HR: variants seen among roughly 807,000 people sequenced by gnomAD.
HR encodes the protein HR lysine demethylase and nuclear receptor corepressor, also known as lysine-specific demethylase hairless.
HR carries 83 observed loss-of-function variants against 128.6 expected under a neutral mutation model. The ratio of observed to expected loss-of-function variants is 0.65; its 90% CI spans 0.54 to 0.77. HR has a LOEUF of 0.77. Among genes scored for constraint, HR ranks in the 30% least tolerant of loss-of-function variants. The pLI, the probability that HR is intolerant of heterozygous loss-of-function variation, is 0.00. For missense variants in HR, 1,490 were observed against 1,574.6 expected (o/e 0.95, Z 0.91); for synonymous variants, 681 against 658.2 (o/e 1.03, Z -0.53).
Position 22,116,727 on chromosome 8 carries a change from C to G in HR, c.3378+148G>C, listed in dbSNP as rs1826596724. On this transcript the variant is annotated intron_variant, in intron 17 of 18. Coordinates refer to ENST00000381418, the MANE Select transcript of HR (RefSeq NM_005144.5). The surrounding 1 kb of genome is among the most constrained non-coding windows in gnomAD (Gnocchi z 4.2). ...TCAGTGACTTCAAGGCCTCTTGGCT[C>G]CCCCGTTATCTCTTCCCCACAGCAG... The G allele has an allele frequency of 8.3e-7, 1 of 1,199,590 alleles. No homozygotes were observed. Among genetic ancestry groups the G allele is most frequent in the South Asian group, 1.3e-5 (1 of 76,676 alleles). The allele number at this position is 1,199,590 out of a possible 1,614,324, so 74.3% of individuals were successfully genotyped here.
Position 22,125,456 on chromosome 8 carries a change from G to A in HR, c.1605C>T (p.Asn535=), listed in dbSNP as rs751114162. 4.2e-5 allele frequency: 67 copies of A among 1,613,408 alleles called. No homozygotes were observed. The highest frequency in any genetic ancestry group is 5.3e-5 in the African/African-American group (4 of 74,956). The change falls in exon 5 of 19, where the codon AAC becomes AAT. Residue 535 remains asparagine, a synonymous_variant. Coordinates refer to ENST00000381418, the MANE Select transcript of HR (RefSeq NM_005144.5). ...ELQQEEDTAT[N]SSSEEGPGSG... ...ACCCTGGGCCTTCCTCAGAGCTGGAGTTGGTGGCTGTGTCTTCCTCCTGCT... is the reference window on the plus strand; with the variant it reads ...ACCCTGGGCCTTCCTCAGAGCTGGAATTGGTGGCTGTGTCTTCCTCCTGCT...
At chr8:22,125,544 C>T (rs370434413) in intron 4 of HR, 38 bp downstream of exon 4, 155 of 1,612,508 alleles carry the variant, frequency 9.6e-5, no homozygotes, top group Middle Eastern at 1.6e-4. Flanking sequence ...GGAGCCCTGG[C>T]GAGGGGGCAC....
At chr8:22,120,587 C>T (rs909542980) in intron 11 of HR, 80 bp from the exon 12 acceptor site, 2 of 1,597,408 alleles carry the variant, frequency 1.3e-6, no homozygotes, top group African/African-American at 2.7e-5. Flanking sequence ...GTTGTAAGGG[C>T]AGTAGAACAG....
At chr8:22,121,373 G>T in intron 9 of HR, 145 bp from the exon 10 acceptor site, 2 of 1,140,532 alleles carry the variant, frequency 1.8e-6, no homozygotes, top group Non-Finnish European at 2.5e-6. Context: ...TCTGCTCTGG[G>T]TCTCCCCGCT....
intron 5 of HR, among the ~76,000 whole-genome samples, chr8:22,124,230 CTT>C (rs760046632): frequency 1.3e-5 from 2 of 152,204 alleles, no homozygotes; most frequent in Non-Finnish European, 2.9e-5. Flanking sequence ...CTCCAGGAGA[CTT>C]TGTTGTCGTT....
Position 22,119,899 on chromosome 8 carries a change from G to A in HR, c.2847-9C>T. 1.2e-6 allele frequency: 2 copies of A among 1,613,246 alleles called. No homozygotes were observed. The highest frequency in any genetic ancestry group is 1.7e-6 in the Non-Finnish European group (2 of 1,179,968). On this transcript the variant is annotated splice_polypyrimidine_tract_variant and intron_variant, in intron 13 of 18. Coordinates refer to ENST00000381418, the MANE Select transcript of HR (RefSeq NM_005144.5). ...CAGCTAGGTTCTCCACCCTGTCAGGGTAGGGGGTCATGCCCAGCAGGCCCA... is the reference window on the plus strand; with the variant it reads ...CAGCTAGGTTCTCCACCCTGTCAGGATAGGGGGTCATGCCCAGCAGGCCCA...
chr8:22,126,893 C>T, intron 3 of HR, 144 bp downstream of exon 3: 1 of 769,978 alleles, frequency 1.3e-6, no homozygotes, highest in Non-Finnish European at 2.0e-6. Flanking sequence ...CTGAGGAACT[C>T]CCAGAGAGCC....
chr8:22,118,813 G>C (rs892502194), intron 16 of HR, 137 bp downstream of exon 16: 4 of 712,380 alleles, frequency 5.6e-6, no homozygotes, highest in Non-Finnish European at 9.6e-6. Context: ...GCACCTGTCT[G>C]TGCGAGTTGG....
chr8:22,125,760 T>C, intron 3 of HR, 28 bp from the exon 4 acceptor site: 2 of 1,612,390 alleles, frequency 1.2e-6, no homozygotes, highest in Non-Finnish European at 1.7e-6. Flanking sequence ...AGGTCAGGAA[T>C]CTGGGTTTCT....
chr8:22,123,616 A>AGGCCCCC, intron 6 of HR, 33 bp downstream of exon 6: 1 of 562,348 alleles, frequency 1.8e-6, no homozygotes. Context: ...TGAGGGCTCC[A>AGGCCCCC]TCCCGCCCTC....
chr8:22,131,009 C>T lies in HR; in HGVS notation c.-622G>A, dbSNP rs1424964196. On this transcript the variant is annotated 5_prime_UTR_variant, in exon 1 of 19. Transcript: ENST00000381418. ...CTGATCGCCATCGCCAGAAGCGCAACTGAGAGTGGGGAAGCTGCTCCGCCG... is the reference window on the plus strand; with the variant it reads ...CTGATCGCCATCGCCAGAAGCGCAATTGAGAGTGGGGAAGCTGCTCCGCCG... 6.6e-6 allele frequency: 1 copy of T among 152,078 alleles called. No individual in the cohort carries two copies. Among genetic ancestry groups the T allele is most frequent in the Non-Finnish European group, 1.5e-5 (1 of 68,100 alleles). The allele number at this position is 152,078 out of a possible 1,614,324, so 9.4% of individuals were successfully genotyped here.
Position 22,116,499 on chromosome 8 carries a change from G to T in HR, c.3379-71C>A. Reference sequence around the variant, plus strand: ...TCTCCCTGTCCCCCTGGTCCCTGAGGTTCGCTTCCTCTAATGACAACCACC... The same window carrying T: ...TCTCCCTGTCCCCCTGGTCCCTGAGTTTCGCTTCCTCTAATGACAACCACC... On this transcript the variant is annotated intron_variant, in intron 17 of 18. Transcript: ENST00000381418. The surrounding 1 kb of genome is among the most constrained non-coding windows in gnomAD (Gnocchi z 4.2). 1 of 1,565,616 alleles carries T rather than the reference G, an allele frequency of 6.4e-7. No homozygotes were observed. The highest frequency in any genetic ancestry group is 8.7e-7 in the Non-Finnish European group (1 of 1,154,844).
chr8:22,125,348 C>T lies in HR; in HGVS notation c.1713G>A (p.Arg571=). The T allele has an allele frequency of 6.2e-7, 1 of 1,600,518 alleles. No homozygotes were observed. The highest frequency in any genetic ancestry group is 8.5e-7 in the Non-Finnish European group (1 of 1,174,506). Residue 571 remains arginine, a synonymous_variant, in exon 5 of 19, where the codon CGG becomes CGA. Coordinates refer to ENST00000381418, the MANE Select transcript of HR (RefSeq NM_005144.5). ...GLGDRLCRLL[R]REREALAWAQ... The stretch of plus-strand genomic sequence containing the variant: ...CCCAAGCCAGGGCCTCCCGCTCCCT[C>T]CGCAGCAGGCGGCACAGTCGGTCCC...
intron 3 of HR, among the ~76,000 whole-genome samples, chr8:22,126,198 G>A (rs1826885822): frequency 6.6e-6 from 1 of 152,236 alleles, no homozygotes. Context: ...AGGCGAAGGG[G>A]CCAACAAATT....
rs1586377748 is a variant in HR, at chr8:22,122,623, G to A, written c.2006-15C>T. 11 of 1,588,798 alleles carry A rather than the reference G, an allele frequency of 6.9e-6. No homozygotes were observed. In the East Asian group the frequency reaches 2.5e-4, roughly 36 times the overall value. ...CTCTGCCAAAGCTGGGGGTGGGGGT[G>A]GGCAGGAGAGGGAGGTTGGTGGTGA... On this transcript the variant is annotated splice_polypyrimidine_tract_variant and intron_variant, in intron 7 of 18. Transcript: ENST00000381418.
In HR at chr8:22,127,824, A is replaced by G. The variant is rs535151643; in HGVS notation, c.618T>C (p.Phe206=). Residue 206 remains phenylalanine (F), a synonymous_variant, in exon 3 of 19, where the codon TTT becomes TTC. Coordinates refer to ENST00000381418, the MANE Select transcript of HR (RefSeq NM_005144.5). ...PSAFSLGSKG[F]YYKDPSIPRL... ...TGGGAATGCTCGGATCCTTGTAGTA[A>G]AAGCCCTAAAGAGGGGAGAAAGTGT... is the stretch of plus-strand genomic sequence containing the variant. 1 of 1,598,582 alleles carries G rather than the reference A, an allele frequency of 6.3e-7. No individual in the cohort carries two copies. Among genetic ancestry groups the G allele is most frequent in the East Asian group, 2.2e-5 (1 of 44,876 alleles).
intron 11 of HR, 43 bp downstream of exon 11, chr8:22,120,673 G>A (rs763121161): frequency 1.3e-6 from 2 of 1,519,632 alleles, no homozygotes; most frequent in Non-Finnish European, 1.8e-6. Flanking sequence ...CGAGGGGCAG[G>A]TGGGGTGGCC....
At chr8:22,123,621 G>GGC in intron 6 of HR, 28 bp downstream of exon 6, 1 of 417,078 alleles carries the variant, frequency 2.4e-6, no homozygotes, top group South Asian at 4.3e-5. Context: ...GCTCCATCCC[G>GGC]CCCTCCCACC....
In HR at chr8:22,127,452, G is replaced by A. The variant is rs371260671; in HGVS notation, c.990C>T (p.Tyr330=). The A allele has an allele frequency of 1.6e-5, 25 of 1,611,144 alleles. No homozygotes were observed. Among genetic ancestry groups the A allele is most frequent in the Non-Finnish European group, 2.0e-5 (24 of 1,178,306 alleles). ...CAAGACCCCCACCTTTAGTGGGTGG[G>A]TAGGATGAACAGCAGCCCCGCTGGG... ...PVTQRGCCSS[Y]PPTKGGGLGP... The change falls in exon 3 of 19, where the codon TAC becomes TAT. Residue 330 remains tyrosine (Y), a synonymous_variant. Transcript: ENST00000381418.
Sources: gnomAD v4.1 joint callset for allele counts (sites outside exome capture counted in the v4.1 genomes callset) on GRCh38, gnomAD v4.1.1 for gene constraint, Gnocchi (gnomAD v3.1) non-coding constraint, MANE v1.5 for transcripts, NCBI Gene and HGNC (gene_info 2026-07-23, HGNC 2026-07-21) for gene names.